The following CAND1 variants were observed in gnomAD, a reference collection of about 807,000 sequenced individuals.
CAND1 encodes cullin associated and neddylation dissociated 1.
A neutral mutation model predicts 108.5 loss-of-function variants in CAND1; 7 were observed. The observed-to-expected ratio is 0.06, with a 90% CI of 0.04 to 0.12. The LOEUF (loss-of-function observed/expected upper bound fraction) is 0.12. CAND1 is among the 10% of genes least tolerant of loss of function. The probability of loss-of-function intolerance (pLI) is 1.00; values close to 1 mark genes in which losing one functional copy is unlikely to be tolerated. For synonymous variants in CAND1, 534 were observed against 512.0 expected (o/e 1.04, Z -0.58); for missense variants, 941 against 1,448.7 (o/e 0.65, Z 5.69).
Position 67,298,972 on chromosome 12 carries a change from C to T in CAND1, c.877C>T (p.His293Tyr), listed in dbSNP as rs767916183. 13 of 1,534,028 alleles carry T rather than the reference C, an allele frequency of 8.5e-6. No homozygotes were observed. Among genetic ancestry groups the T allele is most frequent in the Non-Finnish European group, 1.1e-5 (12 of 1,109,726 alleles). ...VRRCPKEVYPHVSTIINICLK... is the reference protein window; with the variant it reads ...VRRCPKEVYPYVSTIINICLK... ...TAGATGTCCTAAGGAAGTATATCCT[C>T]ATGTTTCTACCATTATAAATATTTG... The change falls in exon 7 of 15, where the codon CAT (histidine) becomes TAT (tyrosine). Residue 293 changes from histidine (H) to tyrosine (Y), a missense_variant. His to Tyr is a moderately conservative substitution (Grantham distance 83, BLOSUM62 2). Transcript: ENST00000545606.
chr12:67,269,721 G>A lies in CAND1; in HGVS notation c.4G>A (p.Ala2Thr). Residue 2 changes from alanine (A) to threonine (T), a missense_variant, in exon 1 of 15, where the codon GCG (alanine) becomes ACG (threonine). Ala to Thr is a moderately conservative substitution (Grantham distance 58, BLOSUM62 0). This residue lies in a region of CAND1 where 44 missense variants were observed against 129.1 expected (regional missense o/e 0.34). Coordinates refer to ENST00000545606, the MANE Select transcript of CAND1 (RefSeq NM_018448.5). M[A>T]SASYHISNLL... ...AGGCGGGATCGAGGCCGTCAACATGGCGAGCGCCTCGTACCACATTTCCAA... is the reference window on the plus strand; with the variant it reads ...AGGCGGGATCGAGGCCGTCAACATGACGAGCGCCTCGTACCACATTTCCAA... The A allele has an allele frequency of 6.2e-7, 1 of 1,603,512 alleles. No individual in the cohort carries two copies.
intron 2 of CAND1, among the ~76,000 whole-genome samples, chr12:67,287,857 A>ATTTTTTTTTTTTTTTTTTT (rs34177330): frequency 2.7e-5 from 3 of 112,584 alleles, no homozygotes; most frequent in South Asian, 2.9e-4. Flanking sequence ...TTTTGATGTG[A>ATTTTTTTTTTTTTTTTTTT]TTTTTTTTTT....
chr12:67,273,631 G>A (rs1446453718), intron 1 of CAND1, among the ~76,000 whole-genome samples: 3 of 151,732 alleles, frequency 2.0e-5, no homozygotes, highest in African/African-American at 7.3e-5. Flanking sequence ...CTACAGGTGC[G>A]CACCACCACA....
chr12:67,312,934 G>A lies in CAND1; in HGVS notation c.*104G>A, dbSNP rs2044968215. On this transcript the variant is annotated 3_prime_UTR_variant, in exon 15 of 15. Transcript: ENST00000545606. ...GAGAAGTGTCTAAAAGCTTCAAAAT[G>A]TTCCACTTTTTTTTCCTTCATGGAG... The A allele has an allele frequency of 2.8e-6, 2 of 721,358 alleles. No individual in the cohort carries two copies. The highest frequency in any genetic ancestry group is 4.3e-6 in the Non-Finnish European group (2 of 460,752). 44.7% of individuals were successfully genotyped at this position (721,358 alleles called of 1,614,324 possible). A position where few individuals can be genotyped will look rare whatever the true frequency, so the allele number is the denominator to read the frequency against.
In CAND1 at chr12:67,306,181, C is replaced by G; in HGVS notation, c.2513C>G (p.Ala838Gly). 2 of 1,614,096 alleles carry G rather than the reference C, an allele frequency of 1.2e-6. No individual in the cohort carries two copies. Among genetic ancestry groups the G allele is most frequent in the Non-Finnish European group, 1.7e-6 (2 of 1,179,998 alleles). ...TCTACAGATTCCATTCGTCTCTTAG[C>G]TCTACTTTCTCTTGGAGAAGTTGGG... The part of the protein sequence containing the change: ...SRSTDSIRLL[A>G]LLSLGEVGHH... Residue 838 changes from alanine (A) to glycine (G), a missense_variant, in exon 10 of 15, where the codon GCT (alanine) becomes GGT (glycine). Ala to Gly is a moderately conservative substitution (Grantham distance 60). Coordinates refer to ENST00000545606, the MANE Select transcript of CAND1 (RefSeq NM_018448.5).
rs1446664813 is a variant in CAND1, at chr12:67,295,035, T to C, written c.370T>C (p.Ser124Pro). ...IGELPPASSG[S>P]ALAANVCKKI... ...TTATTGGCTTCTTATTCATGCAGGCTCTGCATTAGCTGCTAATGTATGTAA... is the reference window on the plus strand; with the variant it reads ...TTATTGGCTTCTTATTCATGCAGGCCCTGCATTAGCTGCTAATGTATGTAA... The change falls in exon 4 of 15, where the codon TCT becomes CCT. Residue 124 changes from serine (S) to proline (P), a missense_variant and splice_region_variant. This residue lies in a region of CAND1 where 697 missense variants were observed against 942.0 expected (regional missense o/e 0.74). Coordinates refer to ENST00000545606, the MANE Select transcript of CAND1 (RefSeq NM_018448.5). 1.2e-6 allele frequency: 2 copies of C among 1,610,238 alleles called. No homozygotes were observed. Among genetic ancestry groups the C allele is most frequent in the African/African-American group, 2.7e-5 (2 of 74,742 alleles).
chr12:67,304,505 G>T, intron 8 of CAND1, 100 bp from the exon 9 acceptor site: 1 of 1,277,238 alleles, frequency 7.8e-7, no homozygotes. Flanking sequence ...AACAAAAAAA[G>T]ATAAACTCTT....
intron 7 of CAND1, among the ~76,000 whole-genome samples, chr12:67,301,282 C>A (rs947711901): frequency 6.6e-6 from 1 of 152,034 alleles, no homozygotes; most frequent in African/African-American, 2.4e-5. Flanking sequence ...TTGTTGTATA[C>A]TGTAGAATCT....
At position 67,281,800 on chromosome 12, in the gene CAND1, A is replaced by G. The variant is rs995847225; in HGVS notation, c.69-110A>G. 1.5e-5 allele frequency: 10 copies of G among 650,744 alleles called. No homozygotes were observed. The African/African-American group carries it at 1.9e-4, about 12-fold the overall frequency. 40.3% of individuals were successfully genotyped at this position (650,744 alleles called of 1,614,324 possible). On this transcript the variant is annotated intron_variant, in intron 1 of 14. Coordinates refer to ENST00000545606, the MANE Select transcript of CAND1 (RefSeq NM_018448.5). ...TTAAAAAGTGGATGAGTTTTATAAT[A>G]AAAGATGTTTCTGTTGAGTGAATGG...
rs748495649 is a variant in CAND1 at position 67,305,464 on chromosome 12, A to G, written c.1796A>G (p.Asn599Ser). 2.5e-6 allele frequency: 4 copies of G among 1,613,528 alleles called. No individual in the cohort carries two copies. Among genetic ancestry groups the G allele is most frequent in the African/African-American group, 1.3e-5 (1 of 74,894 alleles). The change falls in exon 10 of 15, where the codon AAC (asparagine) becomes AGC (serine). Residue 599 changes from asparagine to serine, a missense_variant. Coordinates refer to ENST00000545606, the MANE Select transcript of CAND1 (RefSeq NM_018448.5). The surrounding 1 kb of genome is among the most constrained non-coding windows in gnomAD (Gnocchi z 4.4). ...TCCTGTATGGGACAAATTATTTGCA[A>G]CCTTGGAGACAATTTGGGTTCTGAC... ...AISCMGQIIC[N>S]LGDNLGSDLP...
At chr12:67,306,626 A>T in intron 10 of CAND1, 29 bp downstream of exon 10, 1 of 1,526,162 alleles carries the variant, frequency 6.6e-7, no homozygotes, top group Non-Finnish European at 8.8e-7. Flanking sequence ...TTACTTAAAA[A>T]GTTTTTTATT....
chr12:67,275,870 T>C (rs1293593816), intron 1 of CAND1, among the ~76,000 whole-genome samples: 1 of 152,194 alleles, frequency 6.6e-6, no homozygotes, highest in Non-Finnish European at 1.5e-5. Flanking sequence ...AGGAATGAGA[T>C]GGCACTGCCT....
At chr12:67,287,505 G>A (rs551070469) in intron 2 of CAND1, among the ~76,000 whole-genome samples, 21 of 152,010 alleles carry the variant, frequency 1.4e-4, no homozygotes, top group Non-Finnish European at 7.4e-5. Flanking sequence ...TGTTAAAGTC[G>A]TTTTTGCTGA....
chr12:67,309,402 G>A (rs2044925126), intron 11 of CAND1, among the ~76,000 whole-genome samples: 1 of 151,868 alleles, frequency 6.6e-6, no homozygotes, highest in Non-Finnish European at 1.5e-5. Context: ...GGCTTTTGGA[G>A]GCACGTTTCT....
intron 2 of CAND1, among the ~76,000 whole-genome samples, chr12:67,288,479 T>C (rs1015071721): frequency 6.6e-6 from 1 of 152,184 alleles, no homozygotes. Context: ...AGAAGGATGT[T>C]AAAACTTTCA....
chr12:67,285,428 AT>A (rs2044661405), intron 2 of CAND1, among the ~76,000 whole-genome samples: 1 of 152,186 alleles, frequency 6.6e-6, no homozygotes, highest in African/African-American at 2.4e-5. Context: ...TGACTAAAGT[AT>A]ATTAGGGTTG....
chr12:67,296,511 T>A (rs1446392426), intron 4 of CAND1, among the ~76,000 whole-genome samples: 2 of 152,098 alleles, frequency 1.3e-5, no homozygotes, highest in African/African-American at 4.8e-5. Flanking sequence ...CTCAGCTTAC[T>A]GCAGCCTCCG....
chr12:67,292,163 G>A (rs56956717), intron 2 of CAND1, among the ~76,000 whole-genome samples: 13,825 of 152,022 alleles, frequency 0.091, 1,393 homozygotes, highest in African/African-American at 0.25. Context: ...CACTGCATCC[G>A]GCCTTACCTT....
intron 8 of CAND1, among the ~76,000 whole-genome samples, chr12:67,304,182 GTT>G (rs1260092516): frequency 1.3e-5 from 2 of 151,902 alleles, no homozygotes; most frequent in Non-Finnish European, 2.9e-5. Flanking sequence ...TAGAGACAGG[GTT>G]TCACCATGTT....
Sources: allele counts gnomAD v4.1 joint callset (sites outside exome capture counted in the v4.1 genomes callset), GRCh38; gene constraint gnomAD v4.1.1; regional missense constraint gnomAD v4.1.1; non-coding constraint Gnocchi (gnomAD v3.1); transcripts MANE v1.5; gene names NCBI Gene and HGNC (gene_info 2026-07-23, HGNC 2026-07-21).